The following ERC1 variants were observed in gnomAD, a reference collection of about 807,000 sequenced individuals.
ERC1 encodes the protein ELKS/RAB6-interacting/CAST family member 1, also known as RAB6 interacting protein 2.
A neutral mutation model predicts 132.0 loss-of-function variants in ERC1; 56 were observed. The ratio of observed to expected loss-of-function variants is 0.42; its 90% CI spans 0.34 to 0.53. ERC1 has a LOEUF of 0.53. ERC1 is among the 20% of genes least tolerant of loss of function. The pLI is 0.03. For synonymous variants in ERC1, 478 were observed against 476.1 expected (o/e 1.00, Z -0.05); for missense variants, 1,202 against 1,349.9 (o/e 0.89, Z 1.72).
intron 7 of ERC1, among the ~76,000 whole-genome samples, chr12:1,122,943 G>T (rs1490753173): frequency 6.6e-6 from 1 of 152,044 alleles, no homozygotes; most frequent in Non-Finnish European, 1.5e-5. Flanking sequence ...CTGGGGCAGA[G>T]CATTTGTTCT....
Position 1,093,957 on chromosome 12 carries a change from CTATATATATATATATA to C in ERC1, c.1086+10390_1086+10405del, listed in dbSNP as rs202076174. On this transcript the variant is annotated intron_variant, in intron 3 of 18. Transcript: ENST00000360905. ...TTTCTATATAAATATATATATTTTT[CTATATATATATATATA>C]TATATATATATAGAAAAACATAGAA... 1.9e-4 allele frequency among the ~76,000 whole-genome samples: 13 copies of C among 68,888 alleles called. No homozygotes were observed. The East Asian group carries it at 2.6e-3, about 14-fold the overall frequency. The allele number at this position is 68,888 out of a possible 152,430, so 45.2% of individuals were successfully genotyped here.
chr12:1,196,984 T>A (rs1218661195), intron 12 of ERC1, among the ~76,000 whole-genome samples: 1,286 of 66,746 alleles, frequency 0.019, 116 homozygotes, highest in African/African-American at 0.11. Flanking sequence ...ATATTTTTTT[T>A]TTTTTTTTTT....
chr12:1,350,958 A>G (rs1247985406), intron 15 of ERC1, among the ~76,000 whole-genome samples: 1 of 152,060 alleles, frequency 6.6e-6, no homozygotes, highest in African/African-American at 2.4e-5. Flanking sequence ...TCCCTGCAAT[A>G]CCTAATGCAG....
chr12:1,404,750 T>C (rs543551101), intron 16 of ERC1, among the ~76,000 whole-genome samples: 1 of 152,338 alleles, frequency 6.6e-6, no homozygotes, highest in South Asian at 2.1e-4. Flanking sequence ...ACAGGGATGC[T>C]AATCTCATTC....
chr12:1,397,115 A>G lies in ERC1; in HGVS notation c.2926-11034A>G, dbSNP rs11061749. On this transcript the variant is annotated intron_variant, in intron 16 of 18. Coordinates refer to ENST00000360905, the MANE Select transcript of ERC1 (RefSeq NM_178040.4). Reference sequence around the variant, plus strand: ...ACCCATTCATAGTAAGATAATGGCAAGCTGAGGTGCTTTGTGACCAAAATC... The same window carrying G: ...ACCCATTCATAGTAAGATAATGGCAGGCTGAGGTGCTTTGTGACCAAAATC... 5.7e-3 allele frequency among the ~76,000 whole-genome samples: 867 copies of G among 152,302 alleles called. 8 individuals are homozygous for G. The highest frequency in any genetic ancestry group is 0.019 in the African/African-American group (789 of 41,558).
At chr12:1,042,136 C>T (rs763159935) in intron 2 of ERC1, among the ~76,000 whole-genome samples, 4 of 152,190 alleles carry the variant, frequency 2.6e-5, no homozygotes, top group South Asian at 2.1e-4. Flanking sequence ...TTCCCAGGTT[C>T]ACGCCATTCT....
At chr12:1,047,691 C>T (rs1243359579) in intron 2 of ERC1, among the ~76,000 whole-genome samples, 1 of 152,222 alleles carries the variant, frequency 6.6e-6, no homozygotes, top group African/African-American at 2.4e-5. Context: ...TTAGTGGCTA[C>T]ACTTTTTCTT....
intron 2 of ERC1, among the ~76,000 whole-genome samples, chr12:1,038,522 T>G (rs1592862790): frequency 1.3e-5 from 2 of 151,972 alleles, no homozygotes; most frequent in South Asian, 2.1e-4. Flanking sequence ...CACCATGCCC[T>G]GCTAATTTTT....
intron 13 of ERC1, among the ~76,000 whole-genome samples, chr12:1,241,841 CTTCTTCTTTTTTTTTTTTT>C (rs1566355547): frequency 9.2e-6 from 1 of 108,708 alleles, no homozygotes; most frequent in African/African-American, 3.7e-5. Flanking sequence ...TGCATTTCTT[CTTCTTCTTTTTTTTTTTTT>C]TTTTTTTTTT....
intron 7 of ERC1, among the ~76,000 whole-genome samples, chr12:1,138,782 A>G (rs1410022862): frequency 2.0e-5 from 3 of 152,200 alleles, no homozygotes; most frequent in African/African-American, 4.8e-5. Context: ...GTGCTGGTAC[A>G]TTGGGACCGT....
At chr12:1,363,081 G>A (rs1201016726) in intron 15 of ERC1, among the ~76,000 whole-genome samples, 1 of 152,084 alleles carries the variant, frequency 6.6e-6, no homozygotes. Flanking sequence ...TGCCCTTTCT[G>A]GTCACTCGCC....
chr12:1,191,231 A>G (rs1275685480), intron 12 of ERC1, among the ~76,000 whole-genome samples: 1 of 152,164 alleles, frequency 6.6e-6, no homozygotes, highest in Non-Finnish European at 1.5e-5. Context: ...TAAAATTACC[A>G]TAGCCTCAAG....
intron 16 of ERC1, among the ~76,000 whole-genome samples, chr12:1,387,304 A>G (rs2089485222): frequency 6.6e-6 from 1 of 152,134 alleles, no homozygotes; most frequent in African/African-American, 2.4e-5. Flanking sequence ...GGATACTGGA[A>G]TGGGGTGAAC....
intron 14 of ERC1, among the ~76,000 whole-genome samples, chr12:1,264,777 G>GA (rs1463285849): frequency 1.3e-5 from 2 of 152,026 alleles, no homozygotes; most frequent in African/African-American, 2.4e-5. Flanking sequence ...TGTTAAACAG[G>GA]AAAAAAATAC....
intron 17 of ERC1, among the ~76,000 whole-genome samples, chr12:1,442,967 G>T (rs918527523): frequency 6.6e-5 from 10 of 152,066 alleles, no homozygotes; most frequent in Non-Finnish European, 1.2e-4. Flanking sequence ...GAGTGCAGTG[G>T]TGTGATCTCG....
At chr12:1,090,870 T>A (rs1324355514) in intron 3 of ERC1, among the ~76,000 whole-genome samples, 4 of 8,802 alleles carry the variant, frequency 4.5e-4, no homozygotes, top group Admixed American at 1.9e-3. Flanking sequence ...GTTGTTGTTA[T>A]TATTATTATT....
chr12:1,108,746 A>G (rs1394521308), intron 4 of ERC1, among the ~76,000 whole-genome samples: 2 of 152,192 alleles, frequency 1.3e-5, no homozygotes, highest in African/African-American at 4.8e-5. Flanking sequence ...GATTTTGAAC[A>G]GGTACATTTT....
At chr12:1,196,859 ACTCTCT>A (rs1196181216) in intron 12 of ERC1, among the ~76,000 whole-genome samples, 3 of 33,530 alleles carry the variant, frequency 8.9e-5, no homozygotes, top group South Asian at 8.5e-4. Context: ...TCTCTCTCTC[ACTCTCT>A]CTCTCTCTCT....
chr12:1,253,755 A>G (rs1270924099), intron 13 of ERC1, among the ~76,000 whole-genome samples: 1 of 152,158 alleles, frequency 6.6e-6, no homozygotes, highest in East Asian at 1.9e-4. Context: ...GCTGACATCA[A>G]GAAGTAAAGT....
Sources: allele counts gnomAD v4.1 joint callset (sites outside exome capture counted in the v4.1 genomes callset), GRCh38; gene constraint gnomAD v4.1.1; transcripts MANE v1.5; gene names NCBI Gene and HGNC (gene_info 2026-07-23, HGNC 2026-07-21).